Variants in POC1B observed in about 807,000 individuals in gnomAD.
POC1B encodes POC1 centriolar protein homolog B.
Under a neutral mutation model 60.6 loss-of-function variants are expected in POC1B, and 44 were observed. That is an observed-to-expected ratio of 0.73 (90% CI 0.57 to 0.93). POC1B has a LOEUF of 0.93. Ranked by LOEUF, POC1B falls within the 40% of genes least tolerant of loss-of-function variation. The pLI, the probability that POC1B is intolerant of heterozygous loss-of-function variation, is 0.00. For missense variants in POC1B, 555 were observed against 572.3 expected, an observed-to-expected ratio of 0.97 and a Z score of 0.31; for synonymous variants, 180 against 198.9, an observed-to-expected ratio of 0.90 and a Z score of 0.80.
chr12:89,485,594 A>G (rs1868589858), intron 4 of POC1B, among the ~76,000 whole-genome samples: 1 of 152,214 alleles, frequency 6.6e-6, no homozygotes, highest in South Asian at 2.1e-4. Flanking sequence ...GGTAAGATAA[A>G]GACAGTCCAT....
chr12:89,525,527 C>A, intron 1 of POC1B: 1 of 1,298,394 alleles, frequency 7.7e-7, no homozygotes. Context: ...CAGGCAGGTG[C>A]GAGGATGCGC....
chr12:89,472,819 T>A (rs1452210931), intron 4 of POC1B: 1 of 152,822 alleles, frequency 6.5e-6, no homozygotes, highest in Non-Finnish European at 1.5e-5. Context: ...AGAGCTCCAA[T>A]GGACTGAAAA....
the POC1B span, among the ~76,000 whole-genome samples, chr12:89,402,616 T>C: frequency 2.6e-5 from 4 of 152,214 alleles, no homozygotes; most frequent in East Asian, 7.7e-4. Flanking sequence ...AGTCAGAACA[T>C]GCGGTATTTG....
chr12:89,477,150 A>T (rs1883155088), intron 4 of POC1B, among the ~76,000 whole-genome samples: 1 of 152,176 alleles, frequency 6.6e-6, no homozygotes, highest in African/African-American at 2.4e-5. Context: ...AGACTCTAAA[A>T]ATTTGGCAGT....
Position 89,466,833 on chromosome 12 carries a change from T to C in POC1B, c.969A>G (p.Pro323=). The C allele has an allele frequency of 6.2e-7, 1 of 1,613,206 alleles. No individual in the cohort carries two copies. The highest frequency in any genetic ancestry group is 2.2e-5 in the East Asian group (1 of 44,782). ...NLKRLHFDSP[P]HLLDIYPRTP... is the part of the protein sequence containing the mutation. ...TTCTTGGGTAGATATCAAGAAGATG[T>C]GGTGGTGAATCAAAATGTAATCTTT... Residue 323 remains proline (P), a synonymous_variant, in exon 9 of 12, where the codon CCA becomes CCG. Coordinates refer to ENST00000313546, the MANE Select transcript of POC1B (RefSeq NM_172240.3).
intron 2 of POC1B, among the ~76,000 whole-genome samples, chr12:89,499,325 A>C (rs1378676009): frequency 6.6e-6 from 1 of 152,226 alleles, no homozygotes; most frequent in Non-Finnish European, 1.5e-5. Context: ...TAAAGATGGC[A>C]ACAATAGCCA....
chr12:89,433,577 GT>G (rs1881129716), intron 10 of POC1B, among the ~76,000 whole-genome samples: 1 of 152,212 alleles, frequency 6.6e-6, no homozygotes, highest in South Asian at 2.1e-4. Context: ...CAGAATGTAA[GT>G]TGGGTAAAGG....
intron 11 of POC1B, among the ~76,000 whole-genome samples, chr12:89,424,829 G>A (rs1240936678): frequency 1.3e-5 from 2 of 152,162 alleles, no homozygotes; most frequent in Admixed American, 1.3e-4. Flanking sequence ...TGGACAGTGA[G>A]AACATTTTCA....
chr12:89,518,101 T>A (rs933043412), intron 2 of POC1B, among the ~76,000 whole-genome samples: 1 of 151,488 alleles, frequency 6.6e-6, no homozygotes, highest in African/African-American at 2.4e-5. Flanking sequence ...TTTTTTTTTT[T>A]AAACATGACA....
the POC1B span, among the ~76,000 whole-genome samples, chr12:89,402,381 A>T: frequency 6.6e-6 from 1 of 150,472 alleles, no homozygotes; most frequent in Admixed American, 6.6e-5. Context: ...CCCTTTAAAA[A>T]TTTTTTTTTA....
intron 8 of POC1B, 42 bp downstream of exon 8, chr12:89,467,575 T>C: frequency 6.5e-7 from 1 of 1,527,234 alleles, no homozygotes; most frequent in Non-Finnish European, 9.0e-7. Context: ...AAGGATTCCT[T>C]TACCTTAACC....
intron 4 of POC1B, among the ~76,000 whole-genome samples, chr12:89,479,060 CA>C (rs1260325874): frequency 6.6e-6 from 1 of 152,144 alleles, no homozygotes; most frequent in African/African-American, 2.4e-5. Flanking sequence ...TTTTCTTCAT[CA>C]TATGTTTAAA....
the POC1B span, among the ~76,000 whole-genome samples, chr12:89,403,179 T>G: frequency 6.6e-6 from 1 of 152,076 alleles, no homozygotes; most frequent in South Asian, 2.1e-4. Context: ...AGCTAATTTT[T>G]GTATTTTTAG....
intron 4 of POC1B, among the ~76,000 whole-genome samples, chr12:89,473,188 A>C (rs1444090637): frequency 6.6e-6 from 1 of 152,234 alleles, no homozygotes; most frequent in Non-Finnish European, 1.5e-5. Context: ...CTATGCCCAC[A>C]GTAAAGATTA....
At chr12:89,486,884 CTT>C (rs754208677) in intron 4 of POC1B, among the ~76,000 whole-genome samples, 11 of 151,408 alleles carry the variant, frequency 7.3e-5, no homozygotes, top group Non-Finnish European at 1.6e-4. Flanking sequence ...AAAACTCTCT[CTT>C]TCTCTCTCTC....
intron 10 of POC1B, among the ~76,000 whole-genome samples, chr12:89,456,169 C>T (rs1882250600): frequency 6.6e-6 from 1 of 152,006 alleles, no homozygotes; most frequent in Non-Finnish European, 1.5e-5. Context: ...TATAAGCGCA[C>T]ACCACCACGC....
chr12:89,472,415 T>A (rs888350430), intron 4 of POC1B, 140 bp from the exon 5 acceptor site: 2 of 602,666 alleles, frequency 3.3e-6, no homozygotes, highest in African/African-American at 1.9e-5. Flanking sequence ...AAAGTCATAT[T>A]CTGCAGCCAA....
In POC1B at chr12:89,441,330, T is replaced by A. The variant is rs565241941; in HGVS notation, c.1114-15951A>T. Reference sequence around the variant, plus strand: ...CAGATTGCCTCCTCAAGTGGGTCCCTGACCCCCGAGTAGCCTAACTGGGAG... The same window carrying A: ...CAGATTGCCTCCTCAAGTGGGTCCCAGACCCCCGAGTAGCCTAACTGGGAG... On this transcript the variant is annotated intron_variant, in intron 10 of 11. Transcript: ENST00000313546. 4.9e-4 allele frequency among the ~76,000 whole-genome samples: 75 copies of A among 152,348 alleles called. 1 individual carries two copies. Among genetic ancestry groups the A allele is most frequent in the African/African-American group, 1.8e-3 (74 of 41,590 alleles).
Position 89,459,706 on chromosome 12 carries a change from G to C in POC1B, c.1045C>G (p.Leu349Val), listed in dbSNP as rs1454567430. Reference sequence around the variant, plus strand: ...GAGATCTGCAAATCGATTACCTCAAGCTTTGGATTAATCTGTGTATATACA... The same window carrying C: ...GAGATCTGCAAATCGATTACCTCAACCTTTGGATTAATCTGTGTATATACA... ...KVETVEINPK[L>V]EVIDLQISTP... The change falls in exon 10 of 12, where the codon CTT becomes GTT. Residue 349 changes from leucine (L) to valine (V), a missense_variant. Leu to Val is a conservative substitution (Grantham distance 32). Coordinates refer to ENST00000313546, the MANE Select transcript of POC1B (RefSeq NM_172240.3). 1 of 1,538,566 alleles carries C rather than the reference G, an allele frequency of 6.5e-7. No individual in the cohort carries two copies. The highest frequency in any genetic ancestry group is 1.3e-5 in the South Asian group (1 of 77,990).
Sources: gnomAD v4.1 joint callset for allele counts (sites outside exome capture counted in the v4.1 genomes callset) on GRCh38, gnomAD v4.1.1 for gene constraint, MANE v1.5 for transcripts, NCBI Gene and HGNC (gene_info 2026-07-23, HGNC 2026-07-21) for gene names.